The following PALD1 variants were observed in gnomAD, a reference collection of about 807,000 sequenced individuals.
PALD1 encodes the protein paladin.
PALD1 carries 57 observed loss-of-function variants against 96.0 expected under a neutral mutation model. That is an observed-to-expected ratio of 0.59 (90% CI 0.48 to 0.74). The LOEUF (loss-of-function observed/expected upper bound fraction) is 0.74, where lower values mean the gene tolerates loss of function less well. PALD1 is among the 30% of genes least tolerant of loss of function. PALD1 has a pLI of 0.00. For missense variants in PALD1, 1,063 were observed against 1,143.7 expected (o/e 0.93, Z 1.02); for synonymous variants, 464 against 473.6 (o/e 0.98, Z 0.26).
In PALD1 at chr10:70,540,782, G is replaced by A. The variant is rs572523707; in HGVS notation, c.1909-320G>A. On this transcript the variant is annotated intron_variant, in intron 15 of 19. Transcript: ENST00000263563. This position sits in a 1 kb window ranked among gnomAD's most constrained non-coding sequence, Gnocchi z 4.2. ...AGCAGTCTATGTGCAGCCCAGGGGCGCAGTACACAGGGGTGACATACAGGT... is the reference window on the plus strand; with the variant it reads ...AGCAGTCTATGTGCAGCCCAGGGGCACAGTACACAGGGGTGACATACAGGT... 5.9e-5 allele frequency among the ~76,000 whole-genome samples: 9 copies of A among 152,304 alleles called. No homozygotes were observed. Among genetic ancestry groups the A allele is most frequent in the African/African-American group, 1.7e-4 (7 of 41,556 alleles).
At chr10:70,515,534 G>C (rs1846603420) in intron 1 of PALD1, among the ~76,000 whole-genome samples, 1 of 152,238 alleles carries the variant, frequency 6.6e-6, no homozygotes, top group Admixed American at 6.5e-5. Flanking sequence ...TCTAGTCCTG[G>C]TCCTGAAGGT....
chr10:70,531,683 C>T (rs1016550920), intron 5 of PALD1, among the ~76,000 whole-genome samples: 8 of 151,900 alleles, frequency 5.3e-5, no homozygotes, highest in African/African-American at 1.9e-4. Context: ...CTCCTTGATG[C>T]TCAATGTCCT....
the PALD1 span, among the ~76,000 whole-genome samples, chr10:70,473,332 T>C: frequency 6.6e-6 from 1 of 152,148 alleles, no homozygotes; most frequent in Non-Finnish European, 1.5e-5. Flanking sequence ...GTCTTATTCA[T>C]CTCTGTGTCC....
At chr10:70,538,659 T>C (rs1275113460) in intron 12 of PALD1, among the ~76,000 whole-genome samples, 1 of 152,244 alleles carries the variant, frequency 6.6e-6, no homozygotes, top group Non-Finnish European at 1.5e-5. Flanking sequence ...CAGGGTTCTA[T>C]GATCTTTGCC....
chr10:70,557,930 C>CTTTGTTTTTT (rs1847643795), intron 18 of PALD1, among the ~76,000 whole-genome samples: 1 of 92,882 alleles, frequency 1.1e-5, no homozygotes, highest in Non-Finnish European at 2.1e-5. Flanking sequence ...TTGGCTCTTC[C>CTTTGTTTTTT]TTTTTTTTTT....
intron 5 of PALD1, 37 bp downstream of exon 5, chr10:70,531,491 A>C (rs189808769): frequency 6.3e-7 from 1 of 1,579,558 alleles, no homozygotes; most frequent in East Asian, 2.3e-5. Context: ...ACCCCAGCCC[A>C]CAGCCCAGCT....
At chr10:70,553,955 G>A (rs1434255401) in intron 18 of PALD1, among the ~76,000 whole-genome samples, 1 of 152,228 alleles carries the variant, frequency 6.6e-6, no homozygotes, top group Non-Finnish European at 1.5e-5. Flanking sequence ...ATTTTCCACT[G>A]GGACAGACCT....
At chr10:70,478,410 T>C (rs1845863313), upstream of PALD1, among the ~76,000 whole-genome samples, 1 of 152,078 alleles carries the variant, frequency 6.6e-6, no homozygotes, top group Admixed American at 6.5e-5. Flanking sequence ...GTGTCGCGGG[T>C]AGCCGGCGTC....
Position 70,529,367 on chromosome 10 carries a change from G to A in PALD1, c.288+36G>A. ...GCCTTACCCTGCCAGCCCGCCTGCT[G>A]CCTCCCACCCCTATCTCTCATGAAT... On this transcript the variant is annotated intron_variant, in intron 3 of 19. Transcript: ENST00000263563. 4 of 1,003,556 alleles carry A rather than the reference G, an allele frequency of 4.0e-6. No homozygotes were observed. In the East Asian group the frequency reaches 9.8e-5, roughly 25 times the overall value. 62.2% of individuals were successfully genotyped at this position (1,003,556 alleles called of 1,614,324 possible). A position where few individuals can be genotyped will look rare whatever the true frequency, so the allele number is the denominator to read the frequency against.
intron 18 of PALD1, among the ~76,000 whole-genome samples, chr10:70,549,346 T>C (rs1847432270): frequency 6.6e-6 from 1 of 152,238 alleles, no homozygotes; most frequent in South Asian, 2.1e-4. Flanking sequence ...GGATGCCTGC[T>C]TCAGAGCATC....
intron 17 of PALD1, 85 bp from the exon 18 acceptor site, chr10:70,547,221 C>T (rs1395536017): frequency 4.4e-5 from 56 of 1,271,880 alleles, no homozygotes; most frequent in African/African-American, 7.3e-5. Context: ...CCTGGTGTGG[C>T]CTTTTGGTGA....
At position 70,534,746 on chromosome 10, in the gene PALD1, GAGCCATC is replaced by G. The variant is rs1168679438; in HGVS notation, c.1132_1138del (p.Ala378LeufsTer9). ...CTTGGTCTCTGGCACCAGGTGGACA[GAGCCATC>G]ACTGCCTGTGCCGAGTTGCATGACC... On this transcript the variant is annotated frameshift_variant, in exon 10 of 20. Transcript: ENST00000263563. LOFTEE classifies it high-confidence loss of function. 1 of 1,605,730 alleles carries G rather than the reference GAGCCATC, an allele frequency of 6.2e-7. No individual in the cohort carries two copies. Among genetic ancestry groups the G allele is most frequent in the African/African-American group, 1.3e-5 (1 of 74,624 alleles).
chr10:70,529,220 CCCCCCCA>C lies in PALD1; in HGVS notation c.186-8_186-2del. The C allele has an allele frequency of 2.4e-6, 1 of 415,080 alleles. No individual in the cohort carries two copies. The highest frequency in any genetic ancestry group is 2.3e-5 in the South Asian group (1 of 44,050). The allele number at this position is 415,080 out of a possible 1,614,324, so 25.7% of individuals were successfully genotyped here. A position where few individuals can be genotyped will look rare whatever the true frequency, so the allele number is the denominator to read the frequency against. On this transcript the variant is annotated splice_acceptor_variant and splice_polypyrimidine_tract_variant and intron_variant, in intron 2 of 19. Coordinates refer to ENST00000263563, the MANE Select transcript of PALD1 (RefSeq NM_014431.3). LOFTEE classifies it high-confidence loss of function. Reference sequence around the variant, plus strand: ...CAGTTTCCATTCTGCCCCCCCCCCCCCCCCCCAGGTACAACTGCAAGGAGGAGTTCCA... The same window carrying C: ...CAGTTTCCATTCTGCCCCCCCCCCCCGGTACAACTGCAAGGAGGAGTTCCA...
intron 1 of PALD1, among the ~76,000 whole-genome samples, chr10:70,514,083 G>A: frequency 6.6e-6 from 1 of 152,358 alleles, no homozygotes; most frequent in South Asian, 2.1e-4. Context: ...CACTCTGCTG[G>A]CCCTGGGTGC....
At chr10:70,463,368 C>T in the PALD1 span, among the ~76,000 whole-genome samples, 3 of 152,016 alleles carry the variant, frequency 2.0e-5, no homozygotes, top group African/African-American at 7.3e-5. Flanking sequence ...CCACTGCACT[C>T]CAGCCTGGGT....
intron 8 of PALD1, 53 bp downstream of exon 8, chr10:70,534,126 C>T: frequency 2.0e-6 from 3 of 1,482,026 alleles, no homozygotes; most frequent in Non-Finnish European, 2.7e-6. Context: ...GAGGAGGGGA[C>T]AGGCTGCCCC....
chr10:70,511,134 A>G (rs1250811511), intron 1 of PALD1, among the ~76,000 whole-genome samples: 1 of 152,210 alleles, frequency 6.6e-6, no homozygotes, highest in Admixed American at 6.5e-5. Context: ...CCCATGTGGC[A>G]TGTGATCACT....
At chr10:70,509,346 A>G (rs555020287) in intron 1 of PALD1, among the ~76,000 whole-genome samples, 1 of 152,182 alleles carries the variant, frequency 6.6e-6, no homozygotes, top group African/African-American at 2.4e-5. Context: ...CTGTTTTTTC[A>G]CCTGCTTGAT....
chr10:70,494,690 G>C (rs1432183325), intron 1 of PALD1, among the ~76,000 whole-genome samples: 1 of 152,228 alleles, frequency 6.6e-6, no homozygotes, highest in Non-Finnish European at 1.5e-5. Context: ...CCGTGGGCGG[G>C]GGCTTGGTCT....
Sources: gnomAD v4.1 joint callset for allele counts (sites outside exome capture counted in the v4.1 genomes callset) on GRCh38, gnomAD v4.1.1 for gene constraint, Gnocchi (gnomAD v3.1) non-coding constraint, MANE v1.5 for transcripts, NCBI Gene and HGNC (gene_info 2026-07-23, HGNC 2026-07-21) for gene names.